The following DTNB variants were observed in gnomAD, a reference collection of about 807,000 sequenced individuals.
The protein encoded by DTNB is dystrobrevin beta.
Under a neutral mutation model 90.7 loss-of-function variants are expected in DTNB, and 63 were observed. The observed-to-expected ratio is 0.69, with a 90% CI of 0.57 to 0.86. The LOEUF (loss-of-function observed/expected upper bound fraction) is 0.86. Among genes scored for constraint, DTNB ranks in the 40% least tolerant of loss-of-function variants. The pLI, the probability that DTNB is intolerant of heterozygous loss-of-function variation, is 0.00. For synonymous variants in DTNB, 277 were observed against 286.7 expected, an observed-to-expected ratio of 0.97 and a Z score of 0.34; for missense variants, 744 against 807.1, an observed-to-expected ratio of 0.92 and a Z score of 0.95.
At chr2:25,522,935 A>C (rs998055059) in intron 9 of DTNB, among the ~76,000 whole-genome samples, 1 of 152,160 alleles carries the variant, frequency 6.6e-6, no homozygotes, top group East Asian at 1.9e-4. Context: ...TCCTGACCTC[A>C]GGTGATCCAC....
At chr2:25,417,680 T>C (rs1474040837) in intron 16 of DTNB, among the ~76,000 whole-genome samples, 1 of 152,124 alleles carries the variant, frequency 6.6e-6, no homozygotes, top group African/African-American at 2.4e-5. Flanking sequence ...AGTGCATCTC[T>C]GGGGTATGGA....
At chr2:25,621,036 A>AT (rs1285234484) in intron 4 of DTNB, among the ~76,000 whole-genome samples, 1 of 152,174 alleles carries the variant, frequency 6.6e-6, no homozygotes, top group African/African-American at 2.4e-5. Flanking sequence ...CTTAAAAAAA[A>AT]GAAAATTTAA....
In DTNB at chr2:25,666,330, C is replaced by T. The variant is rs367834247; in HGVS notation, c.-2+7056G>A. Among the ~76,000 whole-genome samples, 5 of 152,174 alleles carry T rather than the reference C, an allele frequency of 3.3e-5. No individual in the cohort carries two copies. The East Asian group carries it at 9.7e-4, about 29-fold the overall frequency. ...AAAAAAAGGCCTCCATAAAATTCAA[C>T]ACCCAATTAAAAATATTTACCAAGA... On this transcript the variant is annotated intron_variant, in intron 1 of 20. Coordinates refer to ENST00000406818, the MANE Select transcript of DTNB (RefSeq NM_021907.5).
chr2:25,488,440 A>G (rs1022129605), intron 9 of DTNB, among the ~76,000 whole-genome samples: 1 of 152,208 alleles, frequency 6.6e-6, no homozygotes, highest in African/African-American at 2.4e-5. Flanking sequence ...CAGAATGAGC[A>G]GGAAGATAAG....
At chr2:25,580,893 T>C in intron 6 of DTNB, 67 bp from the exon 7 acceptor site, 1 of 1,424,074 alleles carries the variant, frequency 7.0e-7, no homozygotes, top group Non-Finnish European at 9.6e-7. Context: ...AAGTTTAATT[T>C]AGGATTTTTC....
rs1462830201 is a variant in DTNB, at chr2:25,427,641, A to G, written c.1458-10T>C. ...TTCATCCTTCCTTTGCCTATCCAAGACGAGAAGCCTATCAGATAAAGAGAC... is the reference window on the plus strand; with the variant it reads ...TTCATCCTTCCTTTGCCTATCCAAGGCGAGAAGCCTATCAGATAAAGAGAC... On this transcript the variant is annotated splice_polypyrimidine_tract_variant and intron_variant, in intron 14 of 20. Coordinates refer to ENST00000406818, the MANE Select transcript of DTNB (RefSeq NM_021907.5). The G allele has an allele frequency of 6.2e-7, 1 of 1,611,666 alleles. No individual in the cohort carries two copies. The highest frequency in any genetic ancestry group is 8.5e-7 in the Non-Finnish European group (1 of 1,179,586).
At chr2:25,519,022 T>C (rs1459593443) in intron 9 of DTNB, among the ~76,000 whole-genome samples, 1 of 152,188 alleles carries the variant, frequency 6.6e-6, no homozygotes, top group Non-Finnish European at 1.5e-5. Flanking sequence ...AGGTGCCTAA[T>C]GGCCCACTGG....
rs573390407 is a variant in DTNB, at chr2:25,472,313, G to A, written c.1079+10483C>T. Among the ~76,000 whole-genome samples the A allele has an allele frequency of 5.3e-5, 8 of 152,298 alleles. No homozygotes were observed. In the South Asian group the frequency reaches 1.7e-3, roughly 32 times the overall value. ...CTAAGATGAGAAGGAAGAATTAGATGACAAAGAAGAGAGAACAAAGGTGAA... is the reference window on the plus strand; with the variant it reads ...CTAAGATGAGAAGGAAGAATTAGATAACAAAGAAGAGAGAACAAAGGTGAA... On this transcript the variant is annotated intron_variant, in intron 10 of 20. Coordinates refer to ENST00000406818, the MANE Select transcript of DTNB (RefSeq NM_021907.5).
intron 16 of DTNB, among the ~76,000 whole-genome samples, chr2:25,408,220 A>G (rs1360675674): frequency 6.6e-6 from 1 of 152,072 alleles, no homozygotes; most frequent in Non-Finnish European, 1.5e-5. Flanking sequence ...GAGGCAGGAG[A>G]ATTACTTGAA....
chr2:25,526,395 A>ATATATATATATATATATATATAT, intron 9 of DTNB, among the ~76,000 whole-genome samples: 8 of 49,858 alleles, frequency 1.6e-4, no homozygotes, highest in Admixed American at 2.9e-4. Flanking sequence ...ATATATATAT[A>ATATATATATATATATATATATAT]TTTTTTTTTT....
chr2:25,388,447 G>C, intron 16 of DTNB, 86 bp from the exon 17 acceptor site: 2 of 1,473,084 alleles, frequency 1.4e-6, no homozygotes, highest in Non-Finnish European at 1.8e-6. Flanking sequence ...CCATCAACCA[G>C]AGCCAGCCAG....
chr2:25,426,930 A>G (rs542002608), intron 15 of DTNB, among the ~76,000 whole-genome samples: 1 of 152,236 alleles, frequency 6.6e-6, no homozygotes, highest in African/African-American at 2.4e-5. Context: ...AATCCCAGCA[A>G]TTTGGGAGGC....
rs368162561 is a variant in DTNB, at chr2:25,432,874, G to A, written c.1457+12C>T. On this transcript the variant is annotated intron_variant, in intron 14 of 20. Transcript: ENST00000406818. ...GATTACATGTGGCAAGTGGTAGAGT[G>A]TCCCTACTCACCTCAGCAGCCGCAG... 6.7e-5 allele frequency: 106 copies of A among 1,584,666 alleles called. No individual in the cohort carries two copies. The African/African-American group carries it at 1.3e-3, about 19-fold the overall frequency.
At chr2:25,395,591 T>C (rs1426631856) in intron 16 of DTNB, among the ~76,000 whole-genome samples, 1 of 150,464 alleles carries the variant, frequency 6.6e-6, no homozygotes, top group South Asian at 2.1e-4. Context: ...AATATTTACA[T>C]ACATCTCTCT....
intron 9 of DTNB, among the ~76,000 whole-genome samples, chr2:25,503,861 G>A (rs1575168056): frequency 6.6e-6 from 1 of 151,800 alleles, no homozygotes; most frequent in East Asian, 1.9e-4. Context: ...AGCTTGCAGT[G>A]AGCTGAGATG....
chr2:25,596,003 G>A, intron 6 of DTNB, 83 bp downstream of exon 6: 2 of 1,347,634 alleles, frequency 1.5e-6, no homozygotes, highest in Non-Finnish European at 1.9e-6. Context: ...TACTAGACTG[G>A]AAGCAATCTG....
chr2:25,390,116 C>T (rs2040684397), intron 16 of DTNB, among the ~76,000 whole-genome samples: 1 of 152,118 alleles, frequency 6.6e-6, no homozygotes, highest in Non-Finnish European at 1.5e-5. Flanking sequence ...CCTATATGTG[C>T]ATGTATAGCT....
chr2:25,431,024 T>C (rs1371051753), intron 14 of DTNB, among the ~76,000 whole-genome samples: 1 of 152,240 alleles, frequency 6.6e-6, no homozygotes, highest in Non-Finnish European at 1.5e-5. Context: ...TCATATATAC[T>C]GATCAAAACC....
At chr2:25,573,653 C>T (rs2060213781) in intron 8 of DTNB, among the ~76,000 whole-genome samples, 1 of 152,168 alleles carries the variant, frequency 6.6e-6, no homozygotes, top group African/African-American at 2.4e-5. Flanking sequence ...ACCTAGAGCC[C>T]GGTGGGTGTG....
Sources: allele counts gnomAD v4.1 joint callset (sites outside exome capture counted in the v4.1 genomes callset), GRCh38; gene constraint gnomAD v4.1.1; transcripts MANE v1.5; gene names NCBI Gene and HGNC (gene_info 2026-07-23, HGNC 2026-07-21).